The following CACNA1C variants were observed in gnomAD, a reference collection of about 807,000 sequenced individuals.
CACNA1C encodes calcium voltage-gated channel subunit alpha1 C.
In CACNA1C, 30 loss-of-function variants were observed where a neutral mutation model predicts 229.0. The ratio of observed to expected loss-of-function variants is 0.13; its 90% CI spans 0.10 to 0.18. The LOEUF (loss-of-function observed/expected upper bound fraction) is 0.18. Ranked by LOEUF, CACNA1C falls within the 10% of genes least tolerant of loss-of-function variation. The probability of loss-of-function intolerance (pLI) is 1.00; values close to 1 mark genes in which losing one functional copy is unlikely to be tolerated. For synonymous variants in CACNA1C, 1,114 were observed against 1,132.5 expected (o/e 0.98, Z 0.33); for missense variants, 1,658 against 2,845.0 (o/e 0.58, Z 9.49).
chr12:2,670,643 G>A (rs1396732606), intron 38 of CACNA1C, among the ~76,000 whole-genome samples: 2 of 152,074 alleles, frequency 1.3e-5, no homozygotes, highest in East Asian at 1.9e-4. Context: ...GGCAGATCCC[G>A]AGGTCAGGAG....
intron 3 of CACNA1C, among the ~76,000 whole-genome samples, chr12:2,245,573 C>T (rs926397737): frequency 2.0e-5 from 3 of 152,184 alleles, no homozygotes; most frequent in African/African-American, 7.2e-5. Flanking sequence ...ATACTATTTC[C>T]TTTGTGTAAA....
chr12:2,255,942 A>AT (rs2077403230), intron 3 of CACNA1C, among the ~76,000 whole-genome samples: 1 of 152,262 alleles, frequency 6.6e-6, no homozygotes, highest in African/African-American at 2.4e-5. Flanking sequence ...CAACCACACG[A>AT]CCCTGACCTG....
chr12:2,400,793 A>G (rs1467895674), intron 3 of CACNA1C, among the ~76,000 whole-genome samples: 1 of 152,184 alleles, frequency 6.6e-6, no homozygotes, highest in African/African-American at 2.4e-5. Context: ...ACACCTGGGC[A>G]GAGATGTACA....
intron 1 of CACNA1C, among the ~76,000 whole-genome samples, chr12:2,071,892 C>T (rs2154524404): frequency 6.6e-6 from 1 of 152,262 alleles, no homozygotes; most frequent in East Asian, 1.9e-4. Context: ...ATTCTCCATT[C>T]CTTGGTGCTC....
intron 3 of CACNA1C, among the ~76,000 whole-genome samples, chr12:2,367,118 A>C (rs1343453431): frequency 2.6e-5 from 4 of 152,162 alleles, no homozygotes; most frequent in African/African-American, 9.7e-5. Context: ...TAATTTTTCC[A>C]CTGACTGAAG....
At position 2,436,589 on chromosome 12, in the gene CACNA1C, G is replaced by T. The variant is rs180790598; in HGVS notation, c.478-12387G>T. 8.5e-5 allele frequency among the ~76,000 whole-genome samples: 13 copies of T among 152,304 alleles called. 1 individual carries two copies. The East Asian group carries it at 2.3e-3, about 27-fold the overall frequency. ...CTCCCACACAGGCTGGGAGCTAACA[G>T]GGAGGCAGAGCAGCATTTGTCTTCC... is the stretch of plus-strand genomic sequence containing the variant. On this transcript the variant is annotated intron_variant, in intron 3 of 46. Coordinates refer to ENST00000399655, the MANE Select transcript of CACNA1C (RefSeq NM_000719.7).
At chr12:2,070,207 C>T (rs1393224976) in intron 1 of CACNA1C, among the ~76,000 whole-genome samples, 1 of 152,098 alleles carries the variant, frequency 6.6e-6, no homozygotes, top group Non-Finnish European at 1.5e-5. Context: ...AAAAATAGTA[C>T]CAGAGACAAA....
intron 3 of CACNA1C, among the ~76,000 whole-genome samples, chr12:2,233,595 A>T (rs2066157692): frequency 6.6e-6 from 1 of 152,222 alleles, no homozygotes; most frequent in South Asian, 2.1e-4. Context: ...GAATATGAAG[A>T]TACCATTCCC....
chr12:2,506,429 T>A (rs995646809), intron 8 of CACNA1C, among the ~76,000 whole-genome samples: 1 of 152,190 alleles, frequency 6.6e-6, no homozygotes, highest in Non-Finnish European at 1.5e-5. Flanking sequence ...TAAATCTTAG[T>A]TTCCCCATCT....
In CACNA1C at chr12:2,467,326, G is replaced by A. The variant is rs1597228357; in HGVS notation, c.757+9620G>A. On this transcript the variant is annotated intron_variant, in intron 5 of 46. Coordinates refer to ENST00000399655, the MANE Select transcript of CACNA1C (RefSeq NM_000719.7). This position sits in a 1 kb window ranked among gnomAD's most constrained non-coding sequence, Gnocchi z 4.6. ...TCTGCAGAGAGGAGCCCTGAGGCCA[G>A]AGGGCCACATGGCTTCCTTAAGGTC... Among the ~76,000 whole-genome samples, 1 of 152,348 alleles carries A rather than the reference G, an allele frequency of 6.6e-6. No homozygotes were observed. The highest frequency in any genetic ancestry group is 1.5e-5 in the Non-Finnish European group (1 of 68,032).
chr12:2,041,270 C>CTTTTTTT lies in CACNA1C; in HGVS notation c.139+70087_139+70093dup, dbSNP rs58922699. 2.4e-3 allele frequency among the ~76,000 whole-genome samples: 222 copies of CTTTTTTT among 90,972 alleles called. 15 individuals are homozygous for CTTTTTTT. Among genetic ancestry groups the CTTTTTTT allele is most frequent in the African/African-American group, 4.2e-3 (101 of 23,882 alleles). 59.7% of individuals were successfully genotyped at this position (90,972 alleles called of 152,430 possible). On this transcript the variant is annotated intron_variant, in intron 1 of 46. Transcript: ENST00000682462. ...GGGTCACAGTGATGCTAAGGGTATT[C>CTTTTTTT]TTTTTTTTTTTTTTTTTTTTTTTTG...
At chr12:2,337,068 T>C (rs1265922233) in intron 3 of CACNA1C, among the ~76,000 whole-genome samples, 1 of 152,170 alleles carries the variant, frequency 6.6e-6, no homozygotes, top group Non-Finnish European at 1.5e-5. Context: ...TCCTCGGTCC[T>C]TTGCTAGGTA....
intron 7 of CACNA1C, among the ~76,000 whole-genome samples, chr12:2,497,532 CA>C (rs1397667014): frequency 2.0e-5 from 3 of 152,032 alleles, no homozygotes; most frequent in Non-Finnish European, 2.9e-5. Flanking sequence ...GACTTCTGTC[CA>C]CCCCATGCCC....
intron 3 of CACNA1C, among the ~76,000 whole-genome samples, chr12:2,395,292 C>T (rs1438334666): frequency 1.3e-5 from 2 of 149,950 alleles, no homozygotes; most frequent in African/African-American, 4.9e-5. Context: ...GATCTCAGCT[C>T]ATTGCAACCT....
intron 1 of CACNA1C, among the ~76,000 whole-genome samples, chr12:2,063,689 A>G (rs999667725): frequency 1.3e-5 from 2 of 152,232 alleles, no homozygotes; most frequent in Admixed American, 6.5e-5. Context: ...AATGTCTTCA[A>G]GGTTCATCCA....
At chr12:2,202,900 A>C (rs1201152067) in intron 3 of CACNA1C, among the ~76,000 whole-genome samples, 1 of 152,186 alleles carries the variant, frequency 6.6e-6, no homozygotes, top group African/African-American at 2.4e-5. Flanking sequence ...CCAAGTCTGC[A>C]TCCAAGGAGA....
chr12:2,240,155 T>C (rs1203092265), intron 3 of CACNA1C, among the ~76,000 whole-genome samples: 1 of 152,168 alleles, frequency 6.6e-6, no homozygotes, highest in Non-Finnish European at 1.5e-5. Flanking sequence ...CACAAATAGC[T>C]CAGGATGGTC....
chr12:2,421,230 A>G (rs1014244563), intron 3 of CACNA1C, among the ~76,000 whole-genome samples: 8 of 152,340 alleles, frequency 5.3e-5, no homozygotes, highest in African/African-American at 1.9e-4. Flanking sequence ...CTGGGTTTGC[A>G]ACTATTTTGC....
At chr12:2,609,656 G>A (rs71458005) in intron 27 of CACNA1C, among the ~76,000 whole-genome samples, 2 of 151,516 alleles carry the variant, frequency 1.3e-5, no homozygotes, top group Non-Finnish European at 2.9e-5. Flanking sequence ...CCGGGGCTGA[G>A]GGTTTGAGAA....
Sources: gnomAD v4.1 joint callset for allele counts (sites outside exome capture counted in the v4.1 genomes callset) on GRCh38, gnomAD v4.1.1 for gene constraint, Gnocchi (gnomAD v3.1) non-coding constraint, MANE v1.5 for transcripts, NCBI Gene and HGNC (gene_info 2026-07-23, HGNC 2026-07-21) for gene names.